Variants in DPP3 observed in about 807,000 individuals in gnomAD.
DPP3 encodes dipeptidyl peptidase 3.
Under a neutral mutation model 89.8 loss-of-function variants are expected in DPP3, and 64 were observed. The observed-to-expected ratio is 0.71, with a 90% CI of 0.58 to 0.88. DPP3 has a LOEUF of 0.88. Ranked by LOEUF, DPP3 falls within the 40% of genes least tolerant of loss-of-function variation. The pLI is 0.00. For missense variants in DPP3, 835 were observed against 972.5 expected (o/e 0.86, Z 1.88); for synonymous variants, 377 against 404.3 (o/e 0.93, Z 0.81).
chr11:66,496,762 C>T (rs185392865), intron 15 of DPP3, among the ~76,000 whole-genome samples: 9 of 152,176 alleles, frequency 5.9e-5, no homozygotes, highest in Admixed American at 4.6e-4. Context: ...TTTGAGGAGG[C>T]GATGTGACGT....
At chr11:66,504,907 C>A in intron 17 of DPP3, 133 bp downstream of exon 17, 4 of 986,112 alleles carry the variant, frequency 4.1e-6, no homozygotes, top group East Asian at 2.9e-5. Flanking sequence ...CCCTTTCTGC[C>A]AAGGTCCTTC....
Position 66,485,197 on chromosome 11 carries a change from G to A in DPP3, c.295G>A (p.Val99Ile). ...GGCGTTCCTGGTCTATGCCGCGGGTGTTTACTCCAACATGGGCAACTACAA... is the reference window on the plus strand; with the variant it reads ...GGCGTTCCTGGTCTATGCCGCGGGTATTTACTCCAACATGGGCAACTACAA... ...YQAFLVYAAGVYSNMGNYKSF... is the reference protein window; with the variant it reads ...YQAFLVYAAGIYSNMGNYKSF... The change falls in exon 3 of 18, where the codon GTT (valine) becomes ATT (isoleucine). Residue 99 changes from valine (V) to isoleucine (I), a missense_variant. Transcript: ENST00000531863. 6.2e-7 allele frequency: 1 copy of A among 1,613,776 alleles called. No homozygotes were observed. The highest frequency in any genetic ancestry group is 8.5e-7 in the Non-Finnish European group (1 of 1,179,850).
intron 6 of DPP3, among the ~76,000 whole-genome samples, chr11:66,488,387 C>A (rs1855291713): frequency 6.6e-6 from 1 of 152,142 alleles, no homozygotes; most frequent in South Asian, 2.1e-4. Flanking sequence ...CATGGTGAAA[C>A]CCCATCTCTA....
intron 5 of DPP3, 43 bp from the exon 6 acceptor site, chr11:66,487,871 C>T (rs901455437): frequency 1.3e-6 from 2 of 1,588,542 alleles, no homozygotes; most frequent in African/African-American, 2.7e-5. Flanking sequence ...CCCCACTGCC[C>T]TCTCCAGACT....
rs746893524 is a variant in DPP3 at position 66,491,684 on chromosome 11, C to T, written c.930-14C>T. The T allele has an allele frequency of 1.2e-6, 2 of 1,613,176 alleles. No individual in the cohort carries two copies. The highest frequency in any genetic ancestry group is 1.7e-6 in the Non-Finnish European group (2 of 1,179,348). Reference sequence around the variant, plus strand: ...TGCCTGCCCCTCCTCCACCTCTGCCCTTCTCTCCCCCAGTTACATCGGGTT... The same window carrying T: ...TGCCTGCCCCTCCTCCACCTCTGCCTTTCTCTCCCCCAGTTACATCGGGTT... On this transcript the variant is annotated splice_polypyrimidine_tract_variant and intron_variant, in intron 8 of 17. Transcript: ENST00000531863.
intron 16 of DPP3, among the ~76,000 whole-genome samples, chr11:66,503,758 G>C (rs920343669): frequency 6.6e-6 from 1 of 152,064 alleles, no homozygotes; most frequent in Non-Finnish European, 1.5e-5. Flanking sequence ...GTGGTGGCAC[G>C]CACCTGTAGT....
intron 3 of DPP3, among the ~76,000 whole-genome samples, chr11:66,485,826 G>A (rs1185394716): frequency 3.3e-5 from 5 of 152,126 alleles, no homozygotes; most frequent in African/African-American, 9.7e-5. Flanking sequence ...ACTCACTTCA[G>A]CATCAACCTC....
intron 6 of DPP3, 141 bp downstream of exon 6, chr11:66,488,148 C>T (rs1855285732): frequency 1.1e-5 from 8 of 712,788 alleles, no homozygotes; most frequent in Non-Finnish European, 1.6e-5. Context: ...CTGGGAATGG[C>T]TCTAGTTTCT....
chr11:66,496,428 CT>C (rs1565272961), intron 15 of DPP3, among the ~76,000 whole-genome samples: 1 of 146,970 alleles, frequency 6.8e-6, no homozygotes, highest in African/African-American at 2.5e-5. Flanking sequence ...TTTTTTTTTT[CT>C]TTTGAGACAG....
intron 16 of DPP3, among the ~76,000 whole-genome samples, chr11:66,504,149 C>T (rs549799754): frequency 5.3e-4 from 80 of 151,704 alleles, no homozygotes; most frequent in Non-Finnish European, 1.0e-3. Context: ...TTTTTAGAGA[C>T]GAGACGGGGT....
At position 66,495,473 on chromosome 11, in the gene DPP3, C is replaced by T. The variant is rs34504069; in HGVS notation, c.1561C>T (p.His521Tyr). The change falls in exon 14 of 18, where the codon CAC becomes TAC. Residue 521 changes from histidine to tyrosine, a missense_variant. Coordinates refer to ENST00000531863, the MANE Select transcript of DPP3 (RefSeq NM_130443.4). ...AESVGLYLCL[H>Y]PQVLEIFGFE... is the part of the protein sequence containing the mutation. ...GAGCGTGGGTCTCTACCTCTGTCTC[C>T]ACCCGCAAGTGCTGGAGTAAGAGCA... The T allele has an allele frequency of 4.5e-4, 728 of 1,611,682 alleles. 2 individuals are homozygous for T. In the African/African-American group the frequency reaches 8.3e-3, roughly 18 times the overall value.
intron 2 of DPP3, 129 bp downstream of exon 2, chr11:66,482,599 C>G: frequency 7.5e-7 from 1 of 1,342,144 alleles, no homozygotes; most frequent in South Asian, 1.4e-5. Context: ...CAGGCACTTC[C>G]CCTCTCTGGA....
At chr11:66,501,045 G>C (rs143021759) in intron 16 of DPP3, among the ~76,000 whole-genome samples, 1 of 152,062 alleles carries the variant, frequency 6.6e-6, no homozygotes, top group Admixed American at 6.6e-5. Flanking sequence ...AAAATTAGCC[G>C]GGTATGGTGG....
At chr11:66,481,848 A>G (rs985220795) in intron 1 of DPP3, among the ~76,000 whole-genome samples, 2 of 152,116 alleles carry the variant, frequency 1.3e-5, no homozygotes, top group Admixed American at 1.3e-4. Flanking sequence ...AGGTTTCACC[A>G]TGTTGGTCAG....
At chr11:66,502,680 G>T (rs1328150485) in intron 16 of DPP3, among the ~76,000 whole-genome samples, 1 of 152,150 alleles carries the variant, frequency 6.6e-6, no homozygotes, top group African/African-American at 2.4e-5. Context: ...TAGCCAGGAT[G>T]GTCTCGATCT....
At chr11:66,498,760 G>A (rs576703126) in intron 16 of DPP3, among the ~76,000 whole-genome samples, 1 of 152,322 alleles carries the variant, frequency 6.6e-6, no homozygotes, top group South Asian at 2.1e-4. Flanking sequence ...GATGGCTCAT[G>A]CCTGTAATCC....
chr11:66,497,385 G>A lies in DPP3; in HGVS notation c.1786G>A (p.Asp596Asn), dbSNP rs202011847. 8.1e-6 allele frequency: 13 copies of A among 1,614,010 alleles called. No homozygotes were observed. Among genetic ancestry groups the A allele is most frequent in the Admixed American group, 6.7e-5 (4 of 60,020 alleles). The change falls in exon 16 of 18, where the codon GAT (aspartate) becomes AAT (asparagine). Residue 596 changes from aspartate (D) to asparagine (N), a missense_variant. By Grantham distance (23) the Asp-to-Asn change is conservative. Coordinates refer to ENST00000531863, the MANE Select transcript of DPP3 (RefSeq NM_130443.4). ...LVTITPTTGS[D>N]GRPDARVRLD... Reference sequence around the variant, plus strand: ...TACCATCACTCCCACCACAGGCTCCGATGGGCGCCCAGATGCCCGGGTCCG... The same window carrying A: ...TACCATCACTCCCACCACAGGCTCCAATGGGCGCCCAGATGCCCGGGTCCG...
At chr11:66,497,517 C>A in intron 16 of DPP3, 40 bp downstream of exon 16, 1 of 1,592,622 alleles carries the variant, frequency 6.3e-7, no homozygotes, top group Non-Finnish European at 8.6e-7. Context: ...CCCCACCAAC[C>A]TCTCCAGGGG....
At chr11:66,502,473 A>C (rs1855701992) in intron 16 of DPP3, among the ~76,000 whole-genome samples, 1 of 136,046 alleles carries the variant, frequency 7.4e-6, no homozygotes, top group African/African-American at 2.6e-5. Flanking sequence ...ATGCCCAGCT[A>C]ATTTTTTTTT....
Sources: gnomAD v4.1 joint callset for allele counts (sites outside exome capture counted in the v4.1 genomes callset) on GRCh38, gnomAD v4.1.1 for gene constraint, MANE v1.5 for transcripts, NCBI Gene and HGNC (gene_info 2026-07-23, HGNC 2026-07-21) for gene names.